Variants in SLC8A1 observed in about 807,000 individuals in gnomAD.
SLC8A1 encodes solute carrier family 8 member A1, also known as sodium/calcium exchanger 1.
SLC8A1 carries 18 observed loss-of-function variants against 68.3 expected under a neutral mutation model. The observed-to-expected ratio is 0.26, with a 90% CI of 0.18 to 0.39. The LOEUF is 0.39. SLC8A1 is among the 10% of genes least tolerant of loss of function. The pLI, the probability that SLC8A1 is intolerant of heterozygous loss-of-function variation, is 1.00. For synonymous variants in SLC8A1, 475 were observed against 415.5 expected, an observed-to-expected ratio of 1.14 and a Z score of -1.74; for missense variants, 985 against 1,156.7, an observed-to-expected ratio of 0.85 and a Z score of 2.15.
chr2:40,434,628 A>AT (rs1302748141), intron 1 of SLC8A1, among the ~76,000 whole-genome samples: 2 of 152,316 alleles, frequency 1.3e-5, no homozygotes, highest in African/African-American at 4.8e-5. Context: ...GTATAGGCTG[A>AT]TTTTTATGGT....
chr2:40,197,614 GGTCT>G (rs2053298588), intron 2 of SLC8A1, among the ~76,000 whole-genome samples: 2 of 152,004 alleles, frequency 1.3e-5, no homozygotes, highest in Admixed American at 1.3e-4. Context: ...CTCTCTGGTA[GGTCT>G]GCTTCCATTT....
intron 2 of SLC8A1, among the ~76,000 whole-genome samples, chr2:40,299,945 T>C (rs527579777): frequency 1.6e-4 from 25 of 152,156 alleles, no homozygotes; most frequent in Non-Finnish European, 1.8e-4. Flanking sequence ...ATCCCATGCA[T>C]GCATAGATAT....
intron 7 of SLC8A1, among the ~76,000 whole-genome samples, chr2:40,124,710 T>A (rs2037687979): frequency 6.6e-6 from 1 of 152,232 alleles, no homozygotes; most frequent in Admixed American, 6.5e-5. Context: ...TATCAGGGAT[T>A]GGAGCAGAGT....
chr2:40,354,194 C>T (rs932471337), intron 2 of SLC8A1, among the ~76,000 whole-genome samples: 1 of 152,126 alleles, frequency 6.6e-6, no homozygotes, highest in Non-Finnish European at 1.5e-5. Context: ...CCCAACTTTG[C>T]AATGAAGTAT....
chr2:40,148,527 A>C (rs543917143), intron 6 of SLC8A1, among the ~76,000 whole-genome samples: 2 of 152,312 alleles, frequency 1.3e-5, no homozygotes, highest in African/African-American at 4.8e-5. Flanking sequence ...TGCACAATAC[A>C]AAGTGATGGC....
intron 6 of SLC8A1, among the ~76,000 whole-genome samples, chr2:40,159,900 T>C (rs2045353569): frequency 6.6e-6 from 1 of 152,220 alleles, no homozygotes. Context: ...ATGGCCCAAC[T>C]GCTAGTGACG....
chr2:40,232,690 G>A (rs1350058352), intron 2 of SLC8A1, among the ~76,000 whole-genome samples: 1 of 134,650 alleles, frequency 7.4e-6, no homozygotes, highest in East Asian at 2.0e-4. Context: ...ATGCTGGTGT[G>A]CTGCACCCAC....
At position 40,418,154 on chromosome 2, in the gene SLC8A1, C is replaced by T. The variant is rs77374817; in HGVS notation, c.1808+10319G>A. 6.6e-3 allele frequency among the ~76,000 whole-genome samples: 1,001 copies of T among 152,134 alleles called. 7 individuals carry two copies. The highest frequency in any genetic ancestry group is 0.011 in the Non-Finnish European group (763 of 67,994). ...TTAAATTATCCAAACAAATAACAACCGCAAGATAGTTTAGCTCTAGATATT... is the reference window on the plus strand; with the variant it reads ...TTAAATTATCCAAACAAATAACAACTGCAAGATAGTTTAGCTCTAGATATT... On this transcript the variant is annotated intron_variant, in intron 2 of 7. Coordinates refer to ENST00000406785, the Ensembl canonical transcript of SLC8A1.
At chr2:40,170,170 A>G in intron 4 of SLC8A1, 111 bp downstream of exon 7, 1 of 934,430 alleles carries the variant, frequency 1.1e-6, no homozygotes, top group Non-Finnish European at 1.7e-6. Flanking sequence ...CTGCAGCATT[A>G]TTTAGCAATG....
chr2:40,483,008 G>C (rs1704739330), intron 1 of SLC8A1, among the ~76,000 whole-genome samples: 1 of 146,718 alleles, frequency 6.8e-6, no homozygotes, highest in Admixed American at 6.8e-5. Flanking sequence ...GTTTCACCGT[G>C]TTAGCCAGGA....
At chr2:40,135,676 C>T (rs2040377010) in intron 7 of SLC8A1, among the ~76,000 whole-genome samples, 1 of 152,102 alleles carries the variant, frequency 6.6e-6, no homozygotes, top group Non-Finnish European at 1.5e-5. Context: ...CAAGATCGTG[C>T]CACTGCACTC....
At chr2:40,212,334 G>A (rs1200818011) in intron 2 of SLC8A1, among the ~76,000 whole-genome samples, 4 of 141,102 alleles carry the variant, frequency 2.8e-5, no homozygotes, top group Non-Finnish European at 1.5e-5. Context: ...CGACAGGCTG[G>A]AATGCAGTGG....
chr2:40,253,040 A>ATATATGTATATACATAT (rs777785618), intron 2 of SLC8A1, among the ~76,000 whole-genome samples: 22 of 87,708 alleles, frequency 2.5e-4, no homozygotes, highest in African/African-American at 3.4e-4. Flanking sequence ...CATATGTATC[A>ATATATGTATATACATAT]GTATATGTAT....
intron 2 of SLC8A1, among the ~76,000 whole-genome samples, chr2:40,332,796 T>C (rs1205377997): frequency 2.0e-5 from 3 of 152,194 alleles, no homozygotes; most frequent in Non-Finnish European, 2.9e-5. Flanking sequence ...ATAAAGTAGA[T>C]TGATTAGCTT....
At chr2:40,228,765 CATAA>C (rs956601203) in intron 2 of SLC8A1, among the ~76,000 whole-genome samples, 2 of 152,214 alleles carry the variant, frequency 1.3e-5, no homozygotes, top group African/African-American at 2.4e-5. Context: ...TGTTTTGATG[CATAA>C]ATAGTCAAGT....
At chr2:40,152,282 T>C (rs1166888882) in intron 6 of SLC8A1, among the ~76,000 whole-genome samples, 2 of 152,218 alleles carry the variant, frequency 1.3e-5, no homozygotes, top group African/African-American at 2.4e-5. Flanking sequence ...AACCTTCCAA[T>C]ATATAGTTGT....
rs1299782625 is a variant in SLC8A1 at position 40,506,802 on chromosome 2, G to T, written c.-25+5547C>A. ...ATAGCAAAATCATCTCTGGGAAAATGATATAATAAGTGTTCTTAAATGTGT... is the reference window on the plus strand; with the variant it reads ...ATAGCAAAATCATCTCTGGGAAAATTATATAATAAGTGTTCTTAAATGTGT... On this transcript the variant is annotated intron_variant, in intron 1 of 7. Transcript: ENST00000402441. Among the ~76,000 whole-genome samples, 4 of 151,940 alleles carry T rather than the reference G, an allele frequency of 2.6e-5. No homozygotes were observed. The East Asian group carries it at 7.7e-4, about 29-fold the overall frequency.
chr2:40,486,965 C>T (rs1705009748), intron 1 of SLC8A1, among the ~76,000 whole-genome samples: 1 of 148,640 alleles, frequency 6.7e-6, no homozygotes, highest in African/African-American at 2.5e-5. Flanking sequence ...ACTGCATGGT[C>T]TCACTCATAG....
intron 2 of SLC8A1, among the ~76,000 whole-genome samples, chr2:40,333,330 C>T (rs199780796): frequency 8.7e-5 from 13 of 148,964 alleles, no homozygotes; most frequent in South Asian, 2.1e-4. Context: ...CCCAGTTACT[C>T]GGGAGGTTGA....
Sources: allele counts gnomAD v4.1 joint callset (sites outside exome capture counted in the v4.1 genomes callset), GRCh38; gene constraint gnomAD v4.1.1; transcripts MANE v1.5; gene names NCBI Gene and HGNC (gene_info 2026-07-23, HGNC 2026-07-21).